Variants in BRAF observed in about 807,000 individuals in gnomAD.
The protein encoded by BRAF is serine/threonine-protein kinase B-raf.
A neutral mutation model predicts 104.6 loss-of-function variants in BRAF; 16 were observed. The observed-to-expected ratio is 0.15, with a 90% CI of 0.10 to 0.23. The LOEUF (loss-of-function observed/expected upper bound fraction) is 0.23. BRAF is among the 10% of genes least tolerant of loss of function. The pLI, the probability that BRAF is intolerant of heterozygous loss-of-function variation, is 1.00. For missense variants in BRAF, 541 were observed against 937.3 expected (o/e 0.58, Z 5.52); for synonymous variants, 310 against 341.6 (o/e 0.91, Z 1.02).
intron 3 of BRAF, 80 bp downstream of exon 3, chr7:140,834,529 A>C: frequency 3.8e-6 from 6 of 1,559,440 alleles, no homozygotes; most frequent in Non-Finnish European, 4.4e-6. Context: ...GTATGAAGTA[A>C]TAATATATTA....
At chr7:140,879,186 T>C (rs1442717062) in intron 1 of BRAF, among the ~76,000 whole-genome samples, 48 of 151,980 alleles carry the variant, frequency 3.2e-4, no homozygotes, top group Admixed American at 3.1e-3. Context: ...CCATAATTTA[T>C]TTTATTTTAT....
In BRAF at chr7:140,924,660, C is replaced by T; in HGVS notation, c.44G>A (p.Gly15Asp). 1 of 1,367,366 alleles carries T rather than the reference C, an allele frequency of 7.3e-7. No homozygotes were observed. Among genetic ancestry groups the T allele is most frequent in the Non-Finnish European group, 1.0e-6 (1 of 1,004,698 alleles). 84.7% of individuals were successfully genotyped at this position (1,367,366 alleles called of 1,614,324 possible). The change falls in exon 1 of 20, where the codon GGC becomes GAC. Residue 15 changes from glycine to aspartate, a missense_variant. Coordinates refer to ENST00000644969, the MANE Select transcript of BRAF (RefSeq NM_001374258.1). The surrounding 1 kb of genome is among the most constrained non-coding windows in gnomAD (Gnocchi z 4.2). Reference sequence around the variant, plus strand: ...CATGTCCCCGTTGAACAGAGCCTGGCCCGGCTCCGCGCCGCCACCACCGCC... The same window carrying T: ...CATGTCCCCGTTGAACAGAGCCTGGTCCGGCTCCGCGCCGCCACCACCGCC... ...SGGGGGGAEP[G>D]QALFNGDMEP... is the part of the protein sequence containing the mutation.
intron 7 of BRAF, chr7:140,799,378 A>T (rs990820955): frequency 4.3e-6 from 1 of 232,320 alleles, no homozygotes; most frequent in Non-Finnish European, 8.5e-6. Flanking sequence ...CTGCTAATTG[A>T]TTTTTTCTTT....
intron 1 of BRAF, among the ~76,000 whole-genome samples, chr7:140,861,914 T>C (rs961492510): frequency 1.5e-4 from 23 of 152,158 alleles, no homozygotes; most frequent in South Asian, 4.2e-4. Flanking sequence ...ACTAAGTAAG[T>C]AAGCTAGCTC....
chr7:140,835,673 T>C (rs1317251341), intron 2 of BRAF: 1 of 152,086 alleles, frequency 6.6e-6, no homozygotes, highest in Non-Finnish European at 1.5e-5. Flanking sequence ...TCCTAGAAGT[T>C]TCATTTGATG....
At chr7:140,796,779 T>C (rs1415940897) in intron 7 of BRAF, among the ~76,000 whole-genome samples, 2 of 152,318 alleles carry the variant, frequency 1.3e-5, no homozygotes, top group South Asian at 2.1e-4. Flanking sequence ...ATCTCAGCCA[T>C]GTCCTAATTC....
At chr7:140,758,652 A>T (rs886347815) in intron 14 of BRAF, among the ~76,000 whole-genome samples, 4 of 152,082 alleles carry the variant, frequency 2.6e-5, no homozygotes, top group Non-Finnish European at 5.9e-5. Flanking sequence ...GATGGGTCTC[A>T]CTATGTTGCC....
At position 140,724,779 on chromosome 7, in the gene BRAF, CTTGG is replaced by C. The variant is rs1795509576; in HGVS notation, c.*1711_*1714del. On this transcript the variant is annotated 3_prime_UTR_variant, in exon 20 of 20. Coordinates refer to ENST00000644969, the MANE Select transcript of BRAF (RefSeq NM_001374258.1). ...ATTTCTTTCAAGTCCTTGGCTATAG[CTTGG>C]TTGGTCTGATTTGATTTGTGTTCCT... is the stretch of plus-strand genomic sequence containing the variant. 1 of 1,035,004 alleles carries C rather than the reference CTTGG, an allele frequency of 9.7e-7. No individual in the cohort carries two copies. The highest frequency in any genetic ancestry group is 1.2e-6 in the Non-Finnish European group (1 of 860,086). 64.1% of individuals were successfully genotyped at this position (1,035,004 alleles called of 1,614,324 possible). A position where few individuals can be genotyped will look rare whatever the true frequency, so the allele number is the denominator to read the frequency against.
At chr7:140,727,039 C>T (rs1585900812) in intron 19 of BRAF, among the ~76,000 whole-genome samples, 1 of 152,284 alleles carries the variant, frequency 6.6e-6, no homozygotes, top group Admixed American at 6.5e-5. Context: ...TAGTTAATTT[C>T]ACCTTCAATC....
Position 140,723,566 on chromosome 7 carries a change from A to AT in BRAF, c.*2927dup, listed in dbSNP as rs1017370862. 10 of 1,048,442 alleles carry AT rather than the reference A, an allele frequency of 9.5e-6. No individual in the cohort carries two copies. The highest frequency in any genetic ancestry group is 1.2e-5 in the Non-Finnish European group (10 of 868,830). 64.9% of individuals were successfully genotyped at this position (1,048,442 alleles called of 1,614,324 possible). A position where few individuals can be genotyped will look rare whatever the true frequency, so the allele number is the denominator to read the frequency against. ...TATTCACAAATCCCTTTTATAAACT[A>AT]TTTTTTTGGTCAATATTATTTCAGT... On this transcript the variant is annotated 3_prime_UTR_variant, in exon 20 of 20. Coordinates refer to ENST00000644969, the MANE Select transcript of BRAF (RefSeq NM_001374258.1).
At chr7:140,838,650 CAAAACAATCTTATAAAAG>C (rs1266554357) in intron 2 of BRAF, among the ~76,000 whole-genome samples, 1 of 152,048 alleles carries the variant, frequency 6.6e-6, no homozygotes, top group African/African-American at 2.4e-5. Context: ...TTGAAATTAT[CAAAACAATCTTATAAAAG>C]AAAAAAGAAG....
At chr7:140,754,964 T>C (rs1798080843) in intron 14 of BRAF, among the ~76,000 whole-genome samples, 1 of 152,206 alleles carries the variant, frequency 6.6e-6, no homozygotes, top group South Asian at 2.1e-4. Flanking sequence ...TCATCTATGT[T>C]ACCCCTAAAA....
At chr7:140,771,684 A>G (rs1278999521) in intron 14 of BRAF, among the ~76,000 whole-genome samples, 1 of 152,214 alleles carries the variant, frequency 6.6e-6, no homozygotes, top group Non-Finnish European at 1.5e-5. Context: ...AAAAGTACAT[A>G]TTAAGAGGCT....
At chr7:140,897,057 T>C (rs1156653436) in intron 1 of BRAF, among the ~76,000 whole-genome samples, 1 of 151,730 alleles carries the variant, frequency 6.6e-6, no homozygotes, top group Non-Finnish European at 1.5e-5. Context: ...GACAACCTAA[T>C]TCTTTTTTTT....
Position 140,721,565 on chromosome 7 carries a change from G to A in BRAF, c.*4929C>T. 2.0e-6 allele frequency: 3 copies of A among 1,506,964 alleles called. No homozygotes were observed. The highest frequency in any genetic ancestry group is 2.6e-6 in the Non-Finnish European group (3 of 1,133,736). The allele number at this position is 1,506,964 out of a possible 1,614,324, so 93.3% of individuals were successfully genotyped here. A position where few individuals can be genotyped will look rare whatever the true frequency, so the allele number is the denominator to read the frequency against. On this transcript the variant is annotated 3_prime_UTR_variant, in exon 20 of 20. Transcript: ENST00000644969. The stretch of plus-strand genomic sequence containing the variant: ...TAATTTTACCAGAGCTAGCAACATG[G>A]ACCACAGATATACTGGTGACTCCGC...
chr7:140,887,880 ATT>A (rs543315481), intron 1 of BRAF, among the ~76,000 whole-genome samples: 87 of 140,864 alleles, frequency 6.2e-4, no homozygotes, highest in African/African-American at 2.0e-3. Context: ...TGCTCGTTTA[ATT>A]TTTTTTTTTT....
At position 140,834,723 on chromosome 7, in the gene BRAF, C is replaced by T. The variant is rs2129062092; in HGVS notation, c.390G>A (p.Val130=). The T allele has an allele frequency of 6.2e-7, 1 of 1,614,126 alleles. No homozygotes were observed. The change falls in exon 3 of 20, where the codon GTG becomes GTA. Residue 130 remains valine (V), a synonymous_variant. Transcript: ENST00000644969. The part of the protein sequence containing the change: ...VTSSSSSSLS[V]LPSSLSVFQN... The stretch of plus-strand genomic sequence containing the variant: ...GAAAAACTGAAAGAGATGAAGGTAG[C>T]ACTGAAAGGCTAGAAGAGGAAGAAG...
Position 140,753,318 on chromosome 7 carries a change from C to G in BRAF, c.1937G>C (p.Gly646Ala), listed in dbSNP as rs1488384581. ...GLATVKSRWSGSHQFEQLSGS... is the reference protein window; with the variant it reads ...GLATVKSRWSASHQFEQLSGS... Reference sequence around the variant, plus strand: ...AGACAACTGTTCAAACTGATGGGACCCACTCCATCGAGATTTCACTGTAGC... The same window carrying G: ...AGACAACTGTTCAAACTGATGGGACGCACTCCATCGAGATTTCACTGTAGC... The change falls in exon 16 of 20, where the codon GGG (glycine) becomes GCG (alanine). Residue 646 changes from glycine (G) to alanine (A), a missense_variant. Around this residue, in one of 10 missense-constraint regions of BRAF, gnomAD observed 129 missense variants for 285.8 expected, o/e 0.45. Coordinates refer to ENST00000644969, the MANE Select transcript of BRAF (RefSeq NM_001374258.1). 1 of 1,612,712 alleles carries G rather than the reference C, an allele frequency of 6.2e-7. No homozygotes were observed. The highest frequency in any genetic ancestry group is 8.5e-7 in the Non-Finnish European group (1 of 1,179,064).
intron 1 of BRAF, among the ~76,000 whole-genome samples, chr7:140,909,628 A>G (rs979772176): frequency 6.6e-6 from 1 of 152,066 alleles, no homozygotes; most frequent in African/African-American, 2.4e-5. Flanking sequence ...CAATTACGTG[A>G]TTTTCTAAAG....
Sources: gnomAD v4.1 joint callset for allele counts (sites outside exome capture counted in the v4.1 genomes callset) on GRCh38, gnomAD v4.1.1 for gene constraint, gnomAD v4.1.1 regional missense constraint, Gnocchi (gnomAD v3.1) non-coding constraint, MANE v1.5 for transcripts, NCBI Gene and HGNC (gene_info 2026-07-23, HGNC 2026-07-21) for gene names.